Variants in PTPRR observed in about 807,000 individuals in gnomAD.
The protein encoded by PTPRR is protein tyrosine phosphatase receptor type R.
In PTPRR, 38 loss-of-function variants were observed where a neutral mutation model predicts 77.2. The observed-to-expected ratio is 0.49, with a 90% confidence interval of 0.38 to 0.65. PTPRR has a LOEUF of 0.65. PTPRR is among the 30% of genes least tolerant of loss of function. The probability of loss-of-function intolerance (pLI) is 0.00; values close to 1 mark genes in which losing one functional copy is unlikely to be tolerated. For synonymous variants in PTPRR, 299 were observed against 283.1 expected (o/e 1.06, Z -0.57); for missense variants, 744 against 799.2 (o/e 0.93, Z 0.83).
intron 1 of PTPRR, among the ~76,000 whole-genome samples, chr12:70,916,495 T>A (rs1038740898): frequency 6.6e-6 from 1 of 152,146 alleles, no homozygotes; most frequent in Non-Finnish European, 1.5e-5. Context: ...ATTTACCTGT[T>A]AGTCTATCGT....
chr12:70,764,261 C>T (rs769993668), intron 3 of PTPRR, among the ~76,000 whole-genome samples: 1 of 152,242 alleles, frequency 6.6e-6, no homozygotes, highest in East Asian at 1.9e-4. Flanking sequence ...TGTCTGGAAA[C>T]TGCCTTACCT....
intron 2 of PTPRR, among the ~76,000 whole-genome samples, chr12:70,890,281 A>T (rs1432675210): frequency 1.3e-5 from 2 of 152,140 alleles, no homozygotes; most frequent in African/African-American, 4.8e-5. Context: ...TAAACATTCT[A>T]ATTGTGTTGT....
chr12:70,903,209 T>C (rs754226891), intron 1 of PTPRR, among the ~76,000 whole-genome samples: 1 of 151,806 alleles, frequency 6.6e-6, no homozygotes, highest in Non-Finnish European at 1.5e-5. Context: ...CTATAGTCAA[T>C]AATTTATTGT....
At chr12:70,766,738 G>GA (rs1890833988) in intron 2 of PTPRR, among the ~76,000 whole-genome samples, 1 of 151,722 alleles carries the variant, frequency 6.6e-6, no homozygotes, top group Non-Finnish European at 1.5e-5. Flanking sequence ...TGAAAAGAAG[G>GA]AAAAAATGTT....
chr12:70,779,166 CTTTT>C (rs71899092), intron 2 of PTPRR, among the ~76,000 whole-genome samples: 1 of 143,452 alleles, frequency 7.0e-6, no homozygotes, highest in African/African-American at 2.6e-5. Context: ...ATTTTTAAAT[CTTTT>C]TTTTTTTTTT....
intron 1 of PTPRR, among the ~76,000 whole-genome samples, chr12:70,901,986 A>G (rs1460212513): frequency 1.3e-5 from 2 of 151,908 alleles, no homozygotes; most frequent in African/African-American, 2.4e-5. Flanking sequence ...AAACAATCCC[A>G]TAAAAAAAGT....
chr12:70,730,771 C>G (rs1468725681), intron 6 of PTPRR, among the ~76,000 whole-genome samples: 2 of 151,160 alleles, frequency 1.3e-5, no homozygotes, highest in East Asian at 3.9e-4. Context: ...TTACAGTGAG[C>G]TAGGATCATG....
At position 70,677,113 on chromosome 12, in the gene PTPRR, C is replaced by T. The variant is rs567668583; in HGVS notation, c.1497+7014G>A. Among the ~76,000 whole-genome samples, 26 of 152,082 alleles carry T rather than the reference C, an allele frequency of 1.7e-4. No individual in the cohort carries two copies. In the South Asian group the frequency reaches 5.4e-3, roughly 32 times the overall value. ...TCCTTCATCAATGATTTATAGTTTTCAGTATAAAAGATATTTCACCTCTTT... is the reference window on the plus strand; with the variant it reads ...TCCTTCATCAATGATTTATAGTTTTTAGTATAAAAGATATTTCACCTCTTT... On this transcript the variant is annotated intron_variant, in intron 10 of 13. Transcript: ENST00000283228.
At chr12:70,883,512 T>TC (rs1893184176) in intron 2 of PTPRR, among the ~76,000 whole-genome samples, 2 of 152,104 alleles carry the variant, frequency 1.3e-5, no homozygotes, top group Admixed American at 1.3e-4. Flanking sequence ...TTCTCCACAT[T>TC]CCCCCCTAGT....
chr12:70,658,883 GTTTTTTTTTTTTTTTTT>G (rs746595856), intron 12 of PTPRR, among the ~76,000 whole-genome samples: 5 of 36,926 alleles, frequency 1.4e-4, no homozygotes, highest in South Asian at 1.2e-3. Flanking sequence ...TTTTGCTCTA[GTTTTTTTTTTTTTTTTT>G]TTTTTTTTTT....
At chr12:70,748,836 C>G (rs1449944262) in intron 5 of PTPRR, among the ~76,000 whole-genome samples, 2 of 152,156 alleles carry the variant, frequency 1.3e-5, no homozygotes, top group East Asian at 3.9e-4. Flanking sequence ...TTCATTCACT[C>G]TTTTAATTTA....
chr12:70,893,019 T>A, intron 1 of PTPRR, 42 bp from the exon 2 acceptor site: 2 of 1,579,920 alleles, frequency 1.3e-6, no homozygotes, highest in Non-Finnish European at 1.7e-6. Flanking sequence ...AAGACCCTAT[T>A]CAGTAAGAGA....
chr12:70,742,795 G>C (rs1044741938), intron 6 of PTPRR, among the ~76,000 whole-genome samples: 1 of 152,138 alleles, frequency 6.6e-6, no homozygotes, highest in Admixed American at 6.6e-5. Context: ...AAACAGTTGG[G>C]AGAAGGTGCC....
At chr12:70,657,662 T>C (rs780636835) in intron 12 of PTPRR, among the ~76,000 whole-genome samples, 7 of 152,232 alleles carry the variant, frequency 4.6e-5, no homozygotes, top group Non-Finnish European at 8.8e-5. Flanking sequence ...GTTCAATGTA[T>C]CTAAATTCAA....
chr12:70,787,462 A>T (rs1309586339), intron 2 of PTPRR, among the ~76,000 whole-genome samples: 1 of 152,226 alleles, frequency 6.6e-6, no homozygotes, highest in East Asian at 1.9e-4. Flanking sequence ...CTAAGAAGCC[A>T]CATCTTCTTT....
intron 1 of PTPRR, among the ~76,000 whole-genome samples, chr12:70,901,690 T>A (rs924041638): frequency 2.6e-5 from 4 of 151,680 alleles, no homozygotes; most frequent in Non-Finnish European, 5.9e-5. Flanking sequence ...AGATATTGTC[T>A]TAGGCGAGGA....
chr12:70,694,787 G>A (rs1402722023), intron 8 of PTPRR, among the ~76,000 whole-genome samples: 1 of 151,924 alleles, frequency 6.6e-6, no homozygotes, highest in Non-Finnish European at 1.5e-5. Context: ...AACCTGCACA[G>A]GTACCCCCTG....
intron 2 of PTPRR, among the ~76,000 whole-genome samples, chr12:70,792,790 G>A (rs1891444615): frequency 6.6e-6 from 1 of 152,076 alleles, no homozygotes; most frequent in Non-Finnish European, 1.5e-5. Flanking sequence ...AAATGAACTT[G>A]TTGTAACATG....
chr12:70,879,357 A>G (rs375964332), intron 2 of PTPRR, among the ~76,000 whole-genome samples: 1 of 152,066 alleles, frequency 6.6e-6, no homozygotes. Flanking sequence ...TAATGTTGAT[A>G]AACAATTTGA....
Sources: gnomAD v4.1 joint callset for allele counts (sites outside exome capture counted in the v4.1 genomes callset) on GRCh38, gnomAD v4.1.1 for gene constraint, MANE v1.5 for transcripts, NCBI Gene and HGNC (gene_info 2026-07-23, HGNC 2026-07-21) for gene names.